RPAP2: variants seen among roughly 807,000 people sequenced by gnomAD.
The protein encoded by RPAP2 is putative RNA polymerase II subunit B1 CTD phosphatase RPAP2.
Under a neutral mutation model 73.1 loss-of-function variants are expected in RPAP2, and 52 were observed. That is an observed-to-expected ratio of 0.71 (90% CI 0.57 to 0.90). The LOEUF is 0.90. RPAP2 is among the 40% of genes least tolerant of loss of function. The pLI is 0.00. For missense variants in RPAP2, 598 were observed against 701.8 expected (o/e 0.85, Z 1.67); for synonymous variants, 225 against 242.1 (o/e 0.93, Z 0.65).
chr1:92,394,498 A>T lies in RPAP2; in HGVS notation c.*7487A>T, dbSNP rs141091194. 3.9e-5 allele frequency: 6 copies of T among 152,060 alleles called. No individual in the cohort carries two copies. The highest frequency in any genetic ancestry group is 1.2e-4 in the African/African-American group (5 of 41,412). 9.4% of individuals were successfully genotyped at this position (152,060 alleles called of 1,614,324 possible). A position where few individuals can be genotyped will look rare whatever the true frequency, so the allele number is the denominator to read the frequency against. On this transcript the variant is annotated 3_prime_UTR_variant, in exon 13 of 13. Transcript: ENST00000610020. ...ATAAAAAAAATAATTATTAAATTTTAAAAAACTAGCCAGGCATGGTGCTGC... is the reference window on the plus strand; with the variant it reads ...ATAAAAAAAATAATTATTAAATTTTTAAAAACTAGCCAGGCATGGTGCTGC...
At chr1:92,379,300 G>A (rs1655518061) in intron 11 of RPAP2, among the ~76,000 whole-genome samples, 1 of 152,078 alleles carries the variant, frequency 6.6e-6, no homozygotes, top group Non-Finnish European at 1.5e-5. Context: ...GAGCTTTGTG[G>A]GAAGTGTAAA....
At chr1:92,339,209 G>T (rs1341320238) in intron 10 of RPAP2, among the ~76,000 whole-genome samples, 1 of 152,066 alleles carries the variant, frequency 6.6e-6, no homozygotes, top group Non-Finnish European at 1.5e-5. Context: ...GGAAAAAAAT[G>T]TTAGGCTACC....
intron 6 of RPAP2, among the ~76,000 whole-genome samples, chr1:92,317,224 G>T (rs1382643980): frequency 6.6e-6 from 1 of 152,164 alleles, no homozygotes; most frequent in Non-Finnish European, 1.5e-5. Context: ...AAATAGAGTT[G>T]AAGGCTCGGT....
chr1:92,343,926 G>A (rs988509532), intron 10 of RPAP2, among the ~76,000 whole-genome samples: 2 of 152,180 alleles, frequency 1.3e-5, no homozygotes, highest in African/African-American at 2.4e-5. Context: ...TCAGATGGAC[G>A]GAATAGCTGA....
Position 92,322,567 on chromosome 1 carries a change from TACAAAAA to T in RPAP2, c.525-876_525-870del, listed in dbSNP as rs548976382. 3.8e-3 allele frequency among the ~76,000 whole-genome samples: 570 copies of T among 149,850 alleles called. 1 individual carries two copies. Among genetic ancestry groups the T allele is most frequent in the Non-Finnish European group, 6.6e-3 (445 of 67,602 alleles). ...TCAAATGAATAAAAATAAAATAAAA[TACAAAAA>T]ATAAAAAATAAAAAGCTCAGCCGGG... On this transcript the variant is annotated intron_variant, in intron 7 of 12. Transcript: ENST00000610020.
rs1275426896 is a variant in RPAP2, at chr1:92,401,322, A to C, written c.*14311A>C. 6.6e-6 allele frequency: 1 copy of C among 152,204 alleles called. No homozygotes were observed. The highest frequency in any genetic ancestry group is 1.5e-5 in the Non-Finnish European group (1 of 68,038). The allele number at this position is 152,204 out of a possible 1,614,324, so 9.4% of individuals were successfully genotyped here. On this transcript the variant is annotated 3_prime_UTR_variant, in exon 13 of 13. Transcript: ENST00000610020. ...GATTAATGCCTTGACTTTTTTGTGG[A>C]AAGTAACACCCCAAGAAAGCCAGCT...
chr1:92,324,312 G>C lies in RPAP2; in HGVS notation c.1392G>C (p.Arg464Ser). The C allele has an allele frequency of 3.1e-6, 5 of 1,614,054 alleles. No individual in the cohort carries two copies. The highest frequency in any genetic ancestry group is 4.2e-6 in the Non-Finnish European group (5 of 1,179,976). Residue 464 changes from arginine to serine, a missense_variant, in exon 8 of 13, where the codon AGG becomes AGC. Transcript: ENST00000610020. ...KETEKLNLRI[R>S]EFYRGRYVLG... ...CTGAAAAGTTAAATCTGAGGATCAG[G>C]GAGTTTTACAGAGGACGGTATGTTT...
rs1277411419 is a variant in RPAP2 at position 92,390,961 on chromosome 1, A to G, written c.*3950A>G. 2 of 152,200 alleles carry G rather than the reference A, an allele frequency of 1.3e-5. No homozygotes were observed. The highest frequency in any genetic ancestry group is 2.9e-5 in the Non-Finnish European group (2 of 68,052). 9.4% of individuals were successfully genotyped at this position (152,200 alleles called of 1,614,324 possible). The stretch of plus-strand genomic sequence containing the variant: ...GGGTGACTTTAACACCCCACTGTCA[A>G]TATTAGACAGATCAACAAGACAGAA... On this transcript the variant is annotated 3_prime_UTR_variant, in exon 13 of 13. Coordinates refer to ENST00000610020, the MANE Select transcript of RPAP2 (RefSeq NM_024813.3).
intron 11 of RPAP2, among the ~76,000 whole-genome samples, chr1:92,360,056 C>CT (rs1654658781): frequency 6.6e-6 from 1 of 152,180 alleles, no homozygotes; most frequent in Non-Finnish European, 1.5e-5. Context: ...AAAACATATA[C>CT]TTTGCCCAAG....
intron 11 of RPAP2, among the ~76,000 whole-genome samples, chr1:92,363,068 G>A (rs1654796395): frequency 6.6e-6 from 1 of 151,924 alleles, no homozygotes; most frequent in Admixed American, 6.6e-5. Flanking sequence ...TCTCCAGGGG[G>A]AAAAAAATGC....
intron 5 of RPAP2, among the ~76,000 whole-genome samples, 161 bp downstream of exon 5, chr1:92,304,510 T>G (rs1050472275): frequency 3.3e-5 from 5 of 152,250 alleles, no homozygotes; most frequent in African/African-American, 1.2e-4. Context: ...AGTTTGATTT[T>G]ATTTGTAAAT....
chr1:92,362,544 T>C (rs889032100), intron 11 of RPAP2, among the ~76,000 whole-genome samples: 4 of 152,158 alleles, frequency 2.6e-5, no homozygotes, highest in African/African-American at 9.7e-5. Flanking sequence ...TCAAGTATAA[T>C]CTGCCTTAAA....
chr1:92,372,231 C>G (rs981280684), intron 11 of RPAP2, among the ~76,000 whole-genome samples: 4 of 152,176 alleles, frequency 2.6e-5, no homozygotes, highest in Admixed American at 6.6e-5. Flanking sequence ...CCTCTCCTTT[C>G]ATATTTCACC....
At chr1:92,348,787 T>C (rs775612020) in intron 11 of RPAP2, among the ~76,000 whole-genome samples, 1 of 152,242 alleles carries the variant, frequency 6.6e-6, no homozygotes, top group Non-Finnish European at 1.5e-5. Flanking sequence ...TTGACTTCTA[T>C]AAAGTATAAT....
At chr1:92,309,440 C>CAA (rs35648463) in intron 6 of RPAP2, among the ~76,000 whole-genome samples, 69,363 of 145,600 alleles carry the variant, frequency 0.48, 17,631 homozygotes, top group East Asian at 0.96. Context: ...GACTCCATCT[C>CAA]AAAAAAAAAA....
chr1:92,356,589 T>G (rs1227110422), intron 11 of RPAP2, among the ~76,000 whole-genome samples: 34 of 150,024 alleles, frequency 2.3e-4, no homozygotes, highest in African/African-American at 7.8e-4. Context: ...TGGCTAATTT[T>G]TTTTTTTTTT....
intron 9 of RPAP2, among the ~76,000 whole-genome samples, chr1:92,335,184 A>T (rs1653208306): frequency 6.6e-6 from 1 of 151,344 alleles, no homozygotes; most frequent in African/African-American, 2.4e-5. Context: ...TTTTCTCCAC[A>T]TTTCTCACCA....
At position 92,307,184 on chromosome 1, in the gene RPAP2, T is replaced by C. The variant is rs376321984; in HGVS notation, c.400-4T>C. 493 of 1,603,328 alleles carry C rather than the reference T, an allele frequency of 3.1e-4. 4 individuals are homozygous for C. In the South Asian group the frequency reaches 3.8e-3, roughly 12 times the overall value. ...AAAAACTAGATTTATAATGTTCTTT[T>C]CAGTCTTTTTGCAGCAATTTTTGTT... is the stretch of plus-strand genomic sequence containing the variant. On this transcript the variant is annotated splice_region_variant and splice_polypyrimidine_tract_variant and intron_variant, in intron 5 of 12. Transcript: ENST00000610020.
intron 11 of RPAP2, among the ~76,000 whole-genome samples, chr1:92,359,764 C>G (rs955385120): frequency 6.6e-6 from 1 of 152,096 alleles, no homozygotes; most frequent in African/African-American, 2.4e-5. Flanking sequence ...AATCAGAGAC[C>G]TAGATTTTAG....
Sources: gnomAD v4.1 joint callset for allele counts (sites outside exome capture counted in the v4.1 genomes callset) on GRCh38, gnomAD v4.1.1 for gene constraint, MANE v1.5 for transcripts, NCBI Gene and HGNC (gene_info 2026-07-23, HGNC 2026-07-21) for gene names.